The following CPE variants were observed in gnomAD, a reference collection of about 807,000 sequenced individuals.
The protein encoded by CPE is carbocypeptidase E.
A neutral mutation model predicts 53.5 loss-of-function variants in CPE; 17 were observed. The ratio of observed to expected loss-of-function variants is 0.32; its 90% CI spans 0.22 to 0.48. The LOEUF is 0.48. Among genes scored for constraint, CPE ranks in the 20% least tolerant of loss-of-function variants. The pLI, the probability that CPE is intolerant of heterozygous loss-of-function variation, is 0.99. For missense variants in CPE, 524 were observed against 614.7 expected, an observed-to-expected ratio of 0.85 and a Z score of 1.56; for synonymous variants, 226 against 228.8, an observed-to-expected ratio of 0.99 and a Z score of 0.11.
At chr4:165,404,473 T>G (rs1456646254) in intron 1 of CPE, 1 of 778,870 alleles carries the variant, frequency 1.3e-6, no homozygotes, top group East Asian at 2.4e-5. Context: ...ACTGGCGACC[T>G]AGGAAGCCCT....
chr4:165,473,343 C>T (rs925479480), intron 3 of CPE, among the ~76,000 whole-genome samples: 3 of 151,338 alleles, frequency 2.0e-5, no homozygotes, highest in Non-Finnish European at 4.4e-5. Context: ...CCTCCTCTTT[C>T]TCTTTATAGC....
intron 1 of CPE, among the ~76,000 whole-genome samples, chr4:165,390,629 T>C (rs1461586813): frequency 6.6e-6 from 1 of 152,202 alleles, no homozygotes; most frequent in African/African-American, 2.4e-5. Context: ...CTCCCCATTG[T>C]CCATAATGGG....
chr4:165,492,235 A>T (rs1241321996), intron 6 of CPE, among the ~76,000 whole-genome samples: 2 of 152,150 alleles, frequency 1.3e-5, no homozygotes, highest in Non-Finnish European at 2.9e-5. Context: ...GAGGCTCACT[A>T]CTCTATTTTC....
intron 1 of CPE, among the ~76,000 whole-genome samples, chr4:165,426,966 A>T (rs1021461774): frequency 6.6e-6 from 1 of 152,154 alleles, no homozygotes; most frequent in Non-Finnish European, 1.5e-5. Context: ...TTTACAGGAA[A>T]CCAGTGAGGG....
intron 1 of CPE, among the ~76,000 whole-genome samples, chr4:165,419,270 A>G (rs568925113): frequency 4.5e-4 from 69 of 152,258 alleles, no homozygotes; most frequent in Admixed American, 1.5e-3. Context: ...GCTCAAGTCT[A>G]AGTTTTGTAT....
intron 1 of CPE, among the ~76,000 whole-genome samples, chr4:165,432,204 A>G (rs1275852739): frequency 6.6e-6 from 1 of 152,232 alleles, no homozygotes; most frequent in Non-Finnish European, 1.5e-5. Context: ...GCATAGCTAC[A>G]TTCTTGCCAT....
chr4:165,424,879 C>CTTTTTATTTT (rs1731291159), intron 1 of CPE, among the ~76,000 whole-genome samples: 1 of 137,740 alleles, frequency 7.3e-6, no homozygotes, highest in African/African-American at 2.7e-5. Context: ...AAAGTAGAAA[C>CTTTTTATTTT]TTTTTTTTTT....
At chr4:165,381,179 T>C in intron 1 of CPE, 1 of 425,894 alleles carries the variant, frequency 2.3e-6, no homozygotes, top group South Asian at 1.7e-5. Flanking sequence ...AAAGTGATAT[T>C]ACAGTTAGAA....
At chr4:165,480,551 C>T (rs1732387230) in intron 3 of CPE, among the ~76,000 whole-genome samples, 1 of 152,188 alleles carries the variant, frequency 6.6e-6, no homozygotes, top group Non-Finnish European at 1.5e-5. Context: ...CCAGTACCAG[C>T]TGAGTGGCCT....
At chr4:165,416,124 A>G (rs999774673) in intron 1 of CPE, among the ~76,000 whole-genome samples, 2 of 152,120 alleles carry the variant, frequency 1.3e-5, no homozygotes, top group Non-Finnish European at 2.9e-5. Flanking sequence ...TCCTGCGCCA[A>G]CTCAACCGTA....
At chr4:165,418,050 C>T (rs1481278478) in intron 1 of CPE, among the ~76,000 whole-genome samples, 1 of 152,128 alleles carries the variant, frequency 6.6e-6, no homozygotes. Flanking sequence ...TCCTCTAAGC[C>T]TTCATTCTAA....
At chr4:165,404,896 G>C in intron 1 of CPE, 1 of 761,824 alleles carries the variant, frequency 1.3e-6, no homozygotes, top group Non-Finnish European at 2.5e-6. Context: ...GTCTTTTGCT[G>C]ACAGCAGCGA....
intron 1 of CPE, among the ~76,000 whole-genome samples, chr4:165,410,822 C>CTG (rs3073916): frequency 0.074 from 11,130 of 150,508 alleles, 604 homozygotes; most frequent in East Asian, 0.22. Context: ...GGCAGAAAGA[C>CTG]TGTGTGTGTG....
chr4:165,426,822 C>A (rs1270146586), intron 1 of CPE, among the ~76,000 whole-genome samples: 1 of 152,144 alleles, frequency 6.6e-6, no homozygotes, highest in Admixed American at 6.5e-5. Flanking sequence ...TGTCTCACAA[C>A]CAAGAAAATT....
chr4:165,451,741 C>T (rs903434300), intron 1 of CPE, among the ~76,000 whole-genome samples: 24 of 152,174 alleles, frequency 1.6e-4, no homozygotes, highest in African/African-American at 4.1e-4. Flanking sequence ...CCACCCGCCT[C>T]GGCCTCCCAA....
rs1028058909 is a variant in CPE, at chr4:165,479,999, A to C, written c.673-2243A>C. On this transcript the variant is annotated intron_variant, in intron 3 of 8. Coordinates refer to ENST00000402744, the MANE Select transcript of CPE (RefSeq NM_001873.4). ...AGAGTGAGACTCCGCCTCAAAAAAA[A>C]AAAAAAAAAGCTATGCATTTCAATA... Among the ~76,000 whole-genome samples, 8 of 152,136 alleles carry C rather than the reference A, an allele frequency of 5.3e-5. No homozygotes were observed. The East Asian group carries it at 1.5e-3, about 29-fold the overall frequency.
At chr4:165,474,230 G>A (rs536308782) in intron 3 of CPE, among the ~76,000 whole-genome samples, 47 of 152,228 alleles carry the variant, frequency 3.1e-4, no homozygotes, top group Non-Finnish European at 6.0e-4. Context: ...AAAAGACTGA[G>A]GAGGCTGATT....
At position 165,435,912 on chromosome 4, in the gene CPE, C is replaced by T. The variant is rs141959610; in HGVS notation, c.308-28478C>T. 5.0e-4 allele frequency among the ~76,000 whole-genome samples: 76 copies of T among 152,274 alleles called. 1 individual carries two copies. In the East Asian group the frequency reaches 0.014, roughly 28 times the overall value. On this transcript the variant is annotated intron_variant, in intron 1 of 8. Transcript: ENST00000402744. ...GGCTAAATACAGTAGTAATTGGACA[C>T]ACAGTTGACCCTACGGACCATGCTT... is the stretch of plus-strand genomic sequence containing the variant.
intron 1 of CPE, among the ~76,000 whole-genome samples, chr4:165,400,013 T>G (rs1365395080): frequency 6.6e-6 from 1 of 152,196 alleles, no homozygotes; most frequent in Non-Finnish European, 1.5e-5. Context: ...AGCAAAATCT[T>G]TACAAGTAGG....
Sources: gnomAD v4.1 joint callset for allele counts (sites outside exome capture counted in the v4.1 genomes callset) on GRCh38, gnomAD v4.1.1 for gene constraint, MANE v1.5 for transcripts, NCBI Gene and HGNC (gene_info 2026-07-23, HGNC 2026-07-21) for gene names.